GRIK2: variants seen among roughly 807,000 people sequenced by gnomAD.
The protein encoded by GRIK2 is glutamate ionotropic receptor kainate type subunit 2.
GRIK2 carries 32 observed loss-of-function variants against 100.3 expected under a neutral mutation model. That is an observed-to-expected ratio of 0.32 (90% confidence interval 0.24 to 0.43). The LOEUF (loss-of-function observed/expected upper bound fraction) is 0.43, where lower values mean the gene tolerates loss of function less well. Ranked by LOEUF, GRIK2 falls within the 20% of genes least tolerant of loss-of-function variation. The pLI, the probability that GRIK2 is intolerant of heterozygous loss-of-function variation, is 1.00. For synonymous variants in GRIK2, 417 were observed against 389.4 expected, an observed-to-expected ratio of 1.07 and a Z score of -0.83; for missense variants, 843 against 1,114.9, an observed-to-expected ratio of 0.76 and a Z score of 3.47.
intron 11 of GRIK2, among the ~76,000 whole-genome samples, chr6:101,886,889 G>C (rs1226012571): frequency 7.5e-6 from 1 of 134,010 alleles, no homozygotes; most frequent in Non-Finnish European, 1.5e-5. Flanking sequence ...GCAGTGTTGC[G>C]ATCTCGGCTC....
chr6:101,823,487 T>G (rs1421234424), intron 10 of GRIK2, among the ~76,000 whole-genome samples: 1 of 152,162 alleles, frequency 6.6e-6, no homozygotes, highest in East Asian at 1.9e-4. Context: ...CCATATTGCC[T>G]CTTTCATCTT....
At chr6:101,395,007 T>A (rs1440347531) in intron 1 of GRIK2, among the ~76,000 whole-genome samples, 1 of 152,250 alleles carries the variant, frequency 6.6e-6, no homozygotes, top group Non-Finnish European at 1.5e-5. Flanking sequence ...TAAGATACAC[T>A]TATTTTAGTG....
chr6:101,821,540 C>T (rs1781948081), intron 10 of GRIK2, among the ~76,000 whole-genome samples: 1 of 152,076 alleles, frequency 6.6e-6, no homozygotes, highest in African/African-American at 2.4e-5. Flanking sequence ...ACTAAGCTCT[C>T]ATTTTAATAA....
chr6:101,810,460 G>C (rs958303217), intron 9 of GRIK2, among the ~76,000 whole-genome samples: 9 of 151,944 alleles, frequency 5.9e-5, no homozygotes, highest in African/African-American at 1.9e-4. Flanking sequence ...GAGATCCTAT[G>C]CACACTAGTT....
chr6:102,002,290 ATG>A (rs971300375), intron 14 of GRIK2, among the ~76,000 whole-genome samples: 19 of 147,578 alleles, frequency 1.3e-4, no homozygotes, highest in South Asian at 8.4e-4. Context: ...GTGTGTATAT[ATG>A]TGTGTGTGTG....
intron 7 of GRIK2, among the ~76,000 whole-genome samples, chr6:101,749,699 A>C (rs1776658677): frequency 6.6e-6 from 1 of 152,100 alleles, no homozygotes. Context: ...CTCCTAAATC[A>C]AGGCAACTAT....
intron 14 of GRIK2, among the ~76,000 whole-genome samples, chr6:102,021,937 C>T (rs547432558): frequency 7.0e-6 from 1 of 143,808 alleles, no homozygotes; most frequent in East Asian, 2.0e-4. Context: ...ACAACGTGGC[C>T]AGGATGCTGA....
intron 2 of GRIK2, among the ~76,000 whole-genome samples, chr6:101,489,235 A>G (rs1469489166): frequency 6.8e-6 from 1 of 146,220 alleles, no homozygotes; most frequent in African/African-American, 2.6e-5. Flanking sequence ...AAAAATTGTG[A>G]TGACAATCAT....
Position 101,732,109 on chromosome 6 carries a change from C to T in GRIK2, c.951+45756C>T, listed in dbSNP as rs79381768. On this transcript the variant is annotated intron_variant, in intron 7 of 16. Coordinates refer to ENST00000369134, the MANE Select transcript of GRIK2 (RefSeq NM_021956.5). ...CTTTGTGTTTATATGCACACACACA[C>T]ACACCTTTTTTTTCCTAGTGTGATA... 7.8e-3 allele frequency among the ~76,000 whole-genome samples: 1,183 copies of T among 151,984 alleles called. 21 individuals carry two copies. The highest frequency in any genetic ancestry group is 0.027 in the African/African-American group (1,133 of 41,512).
chr6:101,902,993 TCTAC>T (rs959322637), intron 12 of GRIK2, among the ~76,000 whole-genome samples: 8 of 151,814 alleles, frequency 5.3e-5, no homozygotes, highest in Non-Finnish European at 1.0e-4. Context: ...AACACCTCTA[TCTAC>T]CTGCTACATC....
intron 4 of GRIK2, among the ~76,000 whole-genome samples, chr6:101,657,206 G>A (rs1769256212): frequency 6.6e-6 from 1 of 152,106 alleles, no homozygotes; most frequent in Non-Finnish European, 1.5e-5. Flanking sequence ...ATGTGTCTGG[G>A]CAGAGACCTG....
At chr6:101,510,510 G>GTTTTT (rs142391999) in intron 2 of GRIK2, among the ~76,000 whole-genome samples, 5 of 94,364 alleles carry the variant, frequency 5.3e-5, no homozygotes, top group Non-Finnish European at 8.2e-5. Context: ...CAGTTGGGGA[G>GTTTTT]TTTTTTTTTT....
At chr6:101,427,380 T>C (rs1769089024) in intron 2 of GRIK2, among the ~76,000 whole-genome samples, 1 of 152,242 alleles carries the variant, frequency 6.6e-6, no homozygotes, top group Non-Finnish European at 1.5e-5. Context: ...GGAAGTTACA[T>C]ATTTGTCTTC....
At chr6:101,639,471 T>C (rs1411197846) in intron 4 of GRIK2, among the ~76,000 whole-genome samples, 2 of 152,080 alleles carry the variant, frequency 1.3e-5, no homozygotes, top group African/African-American at 4.8e-5. Flanking sequence ...TAGTTAAGTA[T>C]TCAATAAATG....
At chr6:101,907,746 T>G (rs1788336390) in intron 12 of GRIK2, among the ~76,000 whole-genome samples, 1 of 151,694 alleles carries the variant, frequency 6.6e-6, no homozygotes, top group Non-Finnish European at 1.5e-5. Flanking sequence ...CTTTCTTCTT[T>G]TAGAAGATCT....
intron 2 of GRIK2, among the ~76,000 whole-genome samples, chr6:101,494,971 T>TTATTTA (rs1554209025): frequency 9.3e-6 from 1 of 107,984 alleles, no homozygotes; most frequent in Admixed American, 9.6e-5. Context: ...ATATATGCAT[T>TTATTTA]TATATATATA....
chr6:102,043,170 T>G (rs551878527), intron 15 of GRIK2, among the ~76,000 whole-genome samples: 2 of 151,834 alleles, frequency 1.3e-5, no homozygotes, highest in Admixed American at 1.3e-4. Context: ...TTTTTTAAAC[T>G]AAACAGTTAT....
Position 101,612,133 on chromosome 6 carries a change from AACTGTGTAACTG to A in GRIK2, c.116-9813_116-9802del, listed in dbSNP as rs539075966. Among the ~76,000 whole-genome samples the A allele has an allele frequency of 5.3e-5, 8 of 151,960 alleles. No individual in the cohort carries two copies. In the South Asian group the frequency reaches 1.7e-3, roughly 32 times the overall value. On this transcript the variant is annotated intron_variant, in intron 2 of 16. Coordinates refer to ENST00000369134, the MANE Select transcript of GRIK2 (RefSeq NM_021956.5). ...CTTAATCCAGCATCCATCACTTGCCAACTGTGTAACTGACCTTAGGAAGGCACTGAGGATGCT... is the reference window on the plus strand; with the variant it reads ...CTTAATCCAGCATCCATCACTTGCCAACCTTAGGAAGGCACTGAGGATGCT...
chr6:101,575,012 A>C (rs1428827749), intron 2 of GRIK2, among the ~76,000 whole-genome samples: 1 of 151,764 alleles, frequency 6.6e-6, no homozygotes, highest in African/African-American at 2.4e-5. Context: ...GCACCTACTA[A>C]AAGTGTTTGG....
Sources: allele counts gnomAD v4.1 joint callset (sites outside exome capture counted in the v4.1 genomes callset), GRCh38; gene constraint gnomAD v4.1.1; transcripts MANE v1.5; gene names NCBI Gene and HGNC (gene_info 2026-07-23, HGNC 2026-07-21).